Variants in OR8H3 observed in about 807,000 individuals in gnomAD.
OR8H3 encodes the protein olfactory receptor 8H3.
For synonymous variants in OR8H3, 143 were observed against 136.4 expected, an observed-to-expected ratio of 1.05 and a Z score of -0.34; for missense variants, 381 against 370.8, an observed-to-expected ratio of 1.03 and a Z score of -0.23.
chr11:56,123,219 C>T lies in OR8H3; in HGVS notation c.847C>T (p.Pro283Ser). ...TCCTGTGTTTTATACTATTGTGATT[C>T]CCATGCTGAATCCACTCATTTATAG... ...VAPVFYTIVI[P>S]MLNPLIYSLR... is the part of the protein sequence containing the mutation. Residue 283 changes from proline (P) to serine (S), a missense_variant, in exon 1 of 1, where the codon CCC becomes TCC. Transcript: ENST00000313472. 1 of 1,612,892 alleles carries T rather than the reference C, an allele frequency of 6.2e-7. No individual in the cohort carries two copies. Among genetic ancestry groups the T allele is most frequent in the Non-Finnish European group, 8.5e-7 (1 of 1,179,004 alleles).
Position 56,123,090 on chromosome 11 carries a change from A to G in OR8H3, c.718A>G (p.Thr240Ala), listed in dbSNP as rs1050546322. Reference sequence around the variant, plus strand: ...TTCAGGAAAGCAGAAAGCTTTCTCTACTTGCGTCTCTCATCTCTTGGGAGT... The same window carrying G: ...TTCAGGAAAGCAGAAAGCTTTCTCTGCTTGCGTCTCTCATCTCTTGGGAGT... ...STSGKQKAFS[T>A]CVSHLLGVTI... The change falls in exon 1 of 1, where the codon ACT (threonine) becomes GCT (alanine). Residue 240 changes from threonine to alanine, a missense_variant. Physicochemically the swap from Thr to Ala is moderately conservative, Grantham distance 58. Coordinates refer to ENST00000313472, the MANE Select transcript of OR8H3 (RefSeq NM_001005201.1). 8 of 1,614,106 alleles carry G rather than the reference A, an allele frequency of 5.0e-6. No homozygotes were observed. The East Asian group carries it at 6.7e-5, about 13-fold the overall frequency.
rs1198972382 is a variant in OR8H3, at chr11:56,123,129, G to A, written c.757G>A (p.Gly253Arg). The change falls in exon 1 of 1, where the codon GGA (glycine) becomes AGA (arginine). Residue 253 changes from glycine (G) to arginine (R), a missense_variant. Gly to Arg is a moderately radical substitution (Grantham distance 125). Coordinates refer to ENST00000313472, the MANE Select transcript of OR8H3 (RefSeq NM_001005201.1). ...TCTCTTGGGAGTCACCATCTTCTAT[G>A]GAACTATGATTTTTACTTACTTAAA... Reference protein sequence around the residue: ...SHLLGVTIFYGTMIFTYLKPR... With the variant: ...SHLLGVTIFYRTMIFTYLKPR... 9.3e-6 allele frequency: 15 copies of A among 1,613,924 alleles called. No homozygotes were observed. The South Asian group carries it at 1.1e-4, about 12-fold the overall frequency.
rs2134675336 is a variant in OR8H3, at chr11:56,123,083, T to G, written c.711T>G (p.Ala237=). The G allele has an allele frequency of 6.2e-7, 1 of 1,614,164 alleles. No homozygotes were observed. The highest frequency in any genetic ancestry group is 1.7e-4 in the Middle Eastern group (1 of 6,060). Residue 237 remains alanine, a synonymous_variant, in exon 1 of 1, where the codon GCT becomes GCG. Transcript: ENST00000313472. ...KINSTSGKQK[A]FSTCVSHLLG... is the part of the protein sequence containing the mutation. The stretch of plus-strand genomic sequence containing the variant: ...ATTCCACTTCAGGAAAGCAGAAAGC[T>G]TTCTCTACTTGCGTCTCTCATCTCT...
Position 56,122,620 on chromosome 11 carries a change from T to C in OR8H3, c.248T>C (p.Leu83Ser), listed in dbSNP as rs770907376. The change falls in exon 1 of 1, where the codon TTA becomes TCA. Residue 83 changes from leucine (L) to serine (S), a missense_variant. Leu to Ser is a moderately radical substitution (Grantham distance 145). Transcript: ENST00000313472. Reference protein sequence around the residue: ...SYSTVVTPKTLANLLTSNYIS... With the variant: ...SYSTVVTPKTSANLLTSNYIS... The stretch of plus-strand genomic sequence containing the variant: ...TCAACTGTCGTCACACCTAAAACCT[T>C]AGCGAACTTACTGACTTCCAACTAT... 2.5e-5 allele frequency: 40 copies of C among 1,614,036 alleles called. 1 individual carries two copies. The highest frequency in any genetic ancestry group is 8.5e-7 in the Non-Finnish European group (1 of 1,180,030).
At position 56,122,737 on chromosome 11, in the gene OR8H3, G is replaced by T. The variant is rs780954788; in HGVS notation, c.365G>T (p.Arg122Leu). ...CYLLSSMAYD[R>L]YAAICSPLHY... The stretch of plus-strand genomic sequence containing the variant: ...CTTCTCTCCTCAATGGCCTATGATC[G>T]CTATGCAGCGATCTGCAGTCCTCTA... The change falls in exon 1 of 1, where the codon CGC becomes CTC. Residue 122 changes from arginine (R) to leucine (L), a missense_variant. Transcript: ENST00000313472. 3 of 1,613,974 alleles carry T rather than the reference G, an allele frequency of 1.9e-6. No homozygotes were observed. The highest frequency in any genetic ancestry group is 2.2e-5 in the East Asian group (1 of 44,876).
chr11:56,123,173 C>T lies in OR8H3; in HGVS notation c.801C>T (p.Ser267=). ...ACTTAAAGCCAAGAAAGTCTTATTC[C>T]TTGGGAAGAGATCAAGTGGCTCCTG... The part of the protein sequence containing the change: ...FTYLKPRKSY[S]LGRDQVAPVF... The change falls in exon 1 of 1, where the codon TCC becomes TCT. Residue 267 remains serine (S), a synonymous_variant. Coordinates refer to ENST00000313472, the MANE Select transcript of OR8H3 (RefSeq NM_001005201.1). 1 of 1,613,666 alleles carries T rather than the reference C, an allele frequency of 6.2e-7. No individual in the cohort carries two copies. The highest frequency in any genetic ancestry group is 8.5e-7 in the Non-Finnish European group (1 of 1,179,648).
chr11:56,123,299 G>C lies in OR8H3; in HGVS notation c.927G>C (p.Gln309His), dbSNP rs763993917. Reference sequence around the variant, plus strand: ...TCATTAGAGTCATGCAGAGAAGACAGGACTCCAGGTAGTTAAAATAGCAGA... The same window carrying C: ...TCATTAGAGTCATGCAGAGAAGACACGACTCCAGGTAGTTAAAATAGCAGA... The part of the protein sequence containing the change: ...NALIRVMQRR[Q>H]DSR Residue 309 changes from glutamine to histidine, a missense_variant, in exon 1 of 1, where the codon CAG becomes CAC. Gln to His is a conservative substitution (Grantham distance 24). Coordinates refer to ENST00000313472, the MANE Select transcript of OR8H3 (RefSeq NM_001005201.1). 1 of 1,570,016 alleles carries C rather than the reference G, an allele frequency of 6.4e-7. No individual in the cohort carries two copies. The highest frequency in any genetic ancestry group is 1.4e-5 in the African/African-American group (1 of 73,092).
chr11:56,123,180 A>G lies in OR8H3; in HGVS notation c.808A>G (p.Arg270Gly). Reference sequence around the variant, plus strand: ...GCCAAGAAAGTCTTATTCCTTGGGAAGAGATCAAGTGGCTCCTGTGTTTTA... The same window carrying G: ...GCCAAGAAAGTCTTATTCCTTGGGAGGAGATCAAGTGGCTCCTGTGTTTTA... ...LKPRKSYSLG[R>G]DQVAPVFYTI... is the part of the protein sequence containing the mutation. Residue 270 changes from arginine (R) to glycine (G), a missense_variant, in exon 1 of 1, where the codon AGA becomes GGA. By Grantham distance (125) the Arg-to-Gly change is moderately radical. Coordinates refer to ENST00000313472, the MANE Select transcript of OR8H3 (RefSeq NM_001005201.1). 1 of 1,613,430 alleles carries G rather than the reference A, an allele frequency of 6.2e-7. No homozygotes were observed. Among genetic ancestry groups the G allele is most frequent in the African/African-American group, 1.3e-5 (1 of 75,032 alleles).
Position 56,122,491 on chromosome 11 carries a change from T to G in OR8H3, c.119T>G (p.Met40Arg). 8 of 1,614,194 alleles carry G rather than the reference T, an allele frequency of 5.0e-6. No homozygotes were observed. Among genetic ancestry groups the G allele is most frequent in the Non-Finnish European group, 6.8e-6 (8 of 1,180,034 alleles). ...MLFLLIYLIT[M>R]LGNVGMLLII... is the part of the protein sequence containing the mutation. ...TTTCTCCTCATATACCTAATTACTATGCTGGGGAATGTGGGGATGCTATTG... is the reference window on the plus strand; with the variant it reads ...TTTCTCCTCATATACCTAATTACTAGGCTGGGGAATGTGGGGATGCTATTG... Residue 40 changes from methionine to arginine, a missense_variant, in exon 1 of 1, where the codon ATG (methionine) becomes AGG (arginine). Transcript: ENST00000313472.
rs1297097460 is a variant in OR8H3 at position 56,123,023 on chromosome 11, C to T, written c.651C>T (p.Ser217=). The T allele has an allele frequency of 3.7e-6, 6 of 1,614,060 alleles. No individual in the cohort carries two copies. The highest frequency in any genetic ancestry group is 1.6e-4 in the Middle Eastern group (1 of 6,080). Residue 217 remains serine, a synonymous_variant, in exon 1 of 1, where the codon TCC becomes TCT. Transcript: ENST00000313472. The part of the protein sequence containing the change: ...LMVSLITISA[S]YVSILSTILK... Reference sequence around the variant, plus strand: ...TGTCCCTTATCACAATATCTGCATCCTATGTGTCCATTCTCTCTACCATCC... The same window carrying T: ...TGTCCCTTATCACAATATCTGCATCTTATGTGTCCATTCTCTCTACCATCC...
Position 56,123,296 on chromosome 11 carries a change from A to G in OR8H3, c.924A>G (p.Arg308=), listed in dbSNP as rs539812938. ...KNALIRVMQR[R]QDSR ...CTCTCATTAGAGTCATGCAGAGAAG[A>G]CAGGACTCCAGGTAGTTAAAATAGC... Residue 308 remains arginine, a synonymous_variant, in exon 1 of 1, where the codon AGA becomes AGG. Transcript: ENST00000313472. The G allele has an allele frequency of 6.3e-7, 1 of 1,577,050 alleles. No homozygotes were observed. The highest frequency in any genetic ancestry group is 1.4e-5 in the African/African-American group (1 of 73,380).
rs754253284 is a variant in OR8H3, at chr11:56,122,522, C to G, written c.150C>G (p.Ile50Met). Residue 50 changes from isoleucine (I) to methionine (M), a missense_variant, in exon 1 of 1, where the codon ATC (isoleucine) becomes ATG (methionine). Coordinates refer to ENST00000313472, the MANE Select transcript of OR8H3 (RefSeq NM_001005201.1). ...GGAATGTGGGGATGCTATTGATAAT[C>G]CGCCTGGACCTCCAGCTTCACACTC... ...MLGNVGMLLIIRLDLQLHTPM... is the reference protein window; with the variant it reads ...MLGNVGMLLIMRLDLQLHTPM... 1.2e-6 allele frequency: 2 copies of G among 1,614,158 alleles called. No homozygotes were observed. Among genetic ancestry groups the G allele is most frequent in the Admixed American group, 3.3e-5 (2 of 60,014 alleles).
At position 56,123,210 on chromosome 11, in the gene OR8H3, A is replaced by G. The variant is rs145430624; in HGVS notation, c.838A>G (p.Ile280Val). Residue 280 changes from isoleucine (I) to valine (V), a missense_variant, in exon 1 of 1, where the codon ATT becomes GTT. Ile to Val is a conservative substitution (Grantham distance 29). Coordinates refer to ENST00000313472, the MANE Select transcript of OR8H3 (RefSeq NM_001005201.1). ...RDQVAPVFYT[I>V]VIPMLNPLIY... ...TCAAGTGGCTCCTGTGTTTTATACT[A>G]TTGTGATTCCCATGCTGAATCCACT... 36 of 1,613,170 alleles carry G rather than the reference A, an allele frequency of 2.2e-5. No homozygotes were observed. The East Asian group carries it at 3.3e-4, about 15-fold the overall frequency.
Position 56,122,806 on chromosome 11 carries a change from T to C in OR8H3, c.434T>C (p.Ile145Thr), listed in dbSNP as rs1467694397. Residue 145 changes from isoleucine (I) to threonine (T), a missense_variant, in exon 1 of 1, where the codon ATC becomes ACC. Transcript: ENST00000313472. ...IMPKRLCLAL[I>T]TGPYVIGFMD... is the part of the protein sequence containing the mutation. ...CCCAAAAGGCTCTGCCTCGCTCTCA[T>C]CACTGGGCCTTATGTGATTGGCTTT... The C allele has an allele frequency of 6.2e-7, 1 of 1,614,076 alleles. No homozygotes were observed. The highest frequency in any genetic ancestry group is 1.3e-5 in the African/African-American group (1 of 74,940).
rs780481711 is a variant in OR8H3 at position 56,122,476 on chromosome 11, T to C, written c.104T>C (p.Ile35Thr). 1.9e-6 allele frequency: 3 copies of C among 1,614,182 alleles called. No homozygotes were observed. The East Asian group carries it at 6.7e-5, about 36-fold the overall frequency. ...QMALFMLFLL[I>T]YLITMLGNVG... ...GCTCTGTTTATGCTATTTCTCCTCA[T>C]ATACCTAATTACTATGCTGGGGAAT... is the stretch of plus-strand genomic sequence containing the variant. The change falls in exon 1 of 1, where the codon ATA becomes ACA. Residue 35 changes from isoleucine to threonine, a missense_variant. Coordinates refer to ENST00000313472, the MANE Select transcript of OR8H3 (RefSeq NM_001005201.1).
chr11:56,123,205 A>G lies in OR8H3; in HGVS notation c.833A>G (p.Tyr278Cys), dbSNP rs779082822. 6 of 1,613,260 alleles carry G rather than the reference A, an allele frequency of 3.7e-6. No homozygotes were observed. In the Admixed American group the frequency reaches 1.0e-4, roughly 27 times the overall value. The change falls in exon 1 of 1, where the codon TAT (tyrosine) becomes TGT (cysteine). Residue 278 changes from tyrosine to cysteine, a missense_variant. Transcript: ENST00000313472. ...LGRDQVAPVFYTIVIPMLNPL... is the reference protein window; with the variant it reads ...LGRDQVAPVFCTIVIPMLNPL... ...AGAGATCAAGTGGCTCCTGTGTTTT[A>G]TACTATTGTGATTCCCATGCTGAAT... is the stretch of plus-strand genomic sequence containing the variant.
Position 56,122,432 on chromosome 11 carries a change from C to T in OR8H3, c.60C>T (p.Asp20=), listed in dbSNP as rs576460980. 2.5e-6 allele frequency: 4 copies of T among 1,614,144 alleles called. No homozygotes were observed. The highest frequency in any genetic ancestry group is 2.2e-5 in the South Asian group (2 of 91,086). The change falls in exon 1 of 1, where the codon GAC becomes GAT. Residue 20 remains aspartate, a synonymous_variant. Transcript: ENST00000313472. ...ACTTCATCCTTACGGGACTGTCAGA[C>T]TCTGAAGAGGTCCAGATGGCTCTGT... ...VADFILTGLS[D]SEEVQMALFM... is the part of the protein sequence containing the mutation.
Position 56,122,651 on chromosome 11 carries a change from C to T in OR8H3, c.279C>T (p.Ser93=). 2 of 1,614,158 alleles carry T rather than the reference C, an allele frequency of 1.2e-6. No individual in the cohort carries two copies. Among genetic ancestry groups the T allele is most frequent in the African/African-American group, 1.3e-5 (1 of 75,044 alleles). Residue 93 remains serine, a synonymous_variant, in exon 1 of 1, where the codon TCC becomes TCT. Coordinates refer to ENST00000313472, the MANE Select transcript of OR8H3 (RefSeq NM_001005201.1). Reference sequence around the variant, plus strand: ...ACTTACTGACTTCCAACTATATTTCCTTCACGGGCTGCTTTGCCCAGATGT... The same window carrying T: ...ACTTACTGACTTCCAACTATATTTCTTTCACGGGCTGCTTTGCCCAGATGT... ...LANLLTSNYI[S]FTGCFAQMFC... is the part of the protein sequence containing the mutation.
At position 56,123,250 on chromosome 11, in the gene OR8H3, G is replaced by T. The variant is rs61747871; in HGVS notation, c.878G>T (p.Arg293Ile). The change falls in exon 1 of 1, where the codon AGA becomes ATA. Residue 293 changes from arginine (R) to isoleucine (I), a missense_variant. Physicochemically the swap from Arg to Ile is moderately conservative, Grantham distance 97. Transcript: ENST00000313472. ...PMLNPLIYSL[R>I]NREVKNALIR... Reference sequence around the variant, plus strand: ...CTGAATCCACTCATTTATAGTCTTAGAAACAGAGAAGTGAAAAATGCTCTC... The same window carrying T: ...CTGAATCCACTCATTTATAGTCTTATAAACAGAGAAGTGAAAAATGCTCTC... 118,236 of 1,609,646 alleles carry T rather than the reference G, an allele frequency of 0.073. 4,952 individuals carry two copies. Among genetic ancestry groups the T allele is most frequent in the Non-Finnish European group, 0.082 (96,589 of 1,177,334 alleles).
Sources: allele counts gnomAD v4.1 joint callset, GRCh38; gene constraint gnomAD v4.1.1; transcripts MANE v1.5; gene names NCBI Gene and HGNC (gene_info 2026-07-23, HGNC 2026-07-21).